TPRX1: variants seen among roughly 807,000 people sequenced by gnomAD.
TPRX1 encodes the protein tetra-peptide repeat homeobox protein 1.
A neutral mutation model predicts 8.1 loss-of-function variants in TPRX1; 2 were observed. That is an observed-to-expected ratio of 0.25 (90% CI 0.10 to 0.78). The LOEUF is 0.78. TPRX1 is among the 30% of genes least tolerant of loss of function. The probability of loss-of-function intolerance (pLI) is 0.70; values close to 1 mark genes in which losing one functional copy is unlikely to be tolerated. For synonymous variants in TPRX1, 257 were observed against 254.1 expected (o/e 1.01, Z -0.11); for missense variants, 517 against 586.9 (o/e 0.88, Z 1.23).
chr19:47,815,280 G>A (rs1218692781), intron 2 of TPRX1, among the ~76,000 whole-genome samples: 2 of 145,952 alleles, frequency 1.4e-5, no homozygotes, highest in South Asian at 2.1e-4. Context: ...TCAGCCTCCT[G>A]AGTAGTTGGG....
At chr19:47,817,424 G>A (rs1289505905) in intron 2 of TPRX1, among the ~76,000 whole-genome samples, 4 of 152,130 alleles carry the variant, frequency 2.6e-5, no homozygotes, top group Admixed American at 6.6e-5. Flanking sequence ...CACCTGCCCC[G>A]GAGCCTGTGC....
intron 2 of TPRX1, among the ~76,000 whole-genome samples, chr19:47,815,127 T>TATATATATATATATGCAA (rs1863456496): frequency 1.9e-5 from 2 of 105,078 alleles, no homozygotes; most frequent in African/African-American, 3.6e-5. Flanking sequence ...TATATATATA[T>TATATATATATATATGCAA]ATATATATAT....
intron 2 of TPRX1, among the ~76,000 whole-genome samples, chr19:47,811,673 A>C (rs932227226): frequency 2.0e-5 from 3 of 149,298 alleles, no homozygotes; most frequent in Admixed American, 1.3e-4. Context: ...TAATTTTTGT[A>C]TTTATAGTAG....
intron 2 of TPRX1, among the ~76,000 whole-genome samples, chr19:47,817,468 A>T (rs1166962148): frequency 6.6e-6 from 1 of 152,122 alleles, no homozygotes; most frequent in Non-Finnish European, 1.5e-5. Flanking sequence ...GCCTCTTAGG[A>T]TGCTCGCCAC....
rs566271576 is a variant in TPRX1, at chr19:47,807,682, A to G, written c.152-4009T>C. ...ACCATGGCACCCAGCCCTGAATTGTATACTTTAAGTGGGTACTTTTATATT... is the reference window on the plus strand; with the variant it reads ...ACCATGGCACCCAGCCCTGAATTGTGTACTTTAAGTGGGTACTTTTATATT... On this transcript the variant is annotated intron_variant, in intron 2 of 3. Transcript: ENST00000535759. 1.8e-3 allele frequency among the ~76,000 whole-genome samples: 277 copies of G among 152,296 alleles called. 1 individual carries two copies. Among genetic ancestry groups the G allele is most frequent in the South Asian group, 9.1e-3 (44 of 4,826 alleles).
chr19:47,809,573 T>A lies in TPRX1; in HGVS notation c.152-5900A>T, dbSNP rs542334067. Among the ~76,000 whole-genome samples the A allele has an allele frequency of 7.9e-5, 12 of 152,218 alleles. No homozygotes were observed. The South Asian group carries it at 1.7e-3, about 21-fold the overall frequency. On this transcript the variant is annotated intron_variant, in intron 2 of 3. Coordinates refer to ENST00000535759, the Ensembl canonical transcript of TPRX1. ...GCTGAGATTACGGGTGTGAGCACAA[T>A]ATATTTGAATGAACAATAAATAACA... is the stretch of plus-strand genomic sequence containing the variant.
At chr19:47,806,973 C>G (rs116533102) in intron 2 of TPRX1, among the ~76,000 whole-genome samples, 1 of 151,340 alleles carries the variant, frequency 6.6e-6, no homozygotes, top group Non-Finnish European at 1.5e-5. Context: ...GGTGTGATCT[C>G]GGCTTGCTGC....
intron 2 of TPRX1, among the ~76,000 whole-genome samples, chr19:47,817,783 C>T (rs1365419323): frequency 6.6e-6 from 1 of 152,190 alleles, no homozygotes; most frequent in Non-Finnish European, 1.5e-5. Flanking sequence ...CCCAAGGCCA[C>T]GCAGTGAGAA....
intron 2 of TPRX1, among the ~76,000 whole-genome samples, chr19:47,811,496 CTTT>C (rs34677329): frequency 4.2e-5 from 5 of 118,488 alleles, no homozygotes; most frequent in African/African-American, 1.3e-4. Context: ...TTCATGGCAA[CTTT>C]TTTTTTTTTT....
At chr19:47,808,864 A>G (rs1033702995) in intron 2 of TPRX1, among the ~76,000 whole-genome samples, 9 of 152,182 alleles carry the variant, frequency 5.9e-5, no homozygotes, top group Non-Finnish European at 1.2e-4. Context: ...CAACTGAGTT[A>G]ATTGGATTAA....
intron 2 of TPRX1, among the ~76,000 whole-genome samples, chr19:47,814,937 T>C (rs945749341): frequency 2.0e-5 from 3 of 150,766 alleles, no homozygotes; most frequent in Non-Finnish European, 4.4e-5. Context: ...GTAGCTGGGA[T>C]TACAGGCATG....
chr19:47,811,568 G>A (rs916060988), intron 2 of TPRX1, among the ~76,000 whole-genome samples: 5 of 145,964 alleles, frequency 3.4e-5, no homozygotes, highest in African/African-American at 5.1e-5. Flanking sequence ...GCGCGATCTC[G>A]GCTCACTGCA....
rs931609998 is a variant in TPRX1 at position 47,802,629 on chromosome 19, G to A, written c.673C>T (p.Pro225Ser). The A allele has an allele frequency of 1.9e-6, 3 of 1,551,928 alleles. No homozygotes were observed. The African/African-American group carries it at 4.1e-5, about 21-fold the overall frequency. ...GGGATTGGGGCTGGGATCGGGCTTG[G>A]GATCTGAGCTGGGCCTGGAATTGGG... Residue 225 changes from proline to serine, a missense_variant, in exon 4 of 4, where the codon CCA (proline) becomes TCA (serine). Pro to Ser is a moderately conservative substitution (Grantham distance 74). Coordinates refer to ENST00000535759, the Ensembl canonical transcript of TPRX1.
chr19:47,802,638 C>CTGGGCCTGGAAT (rs750963424), exon 4 of TPRX1: 16 of 1,549,092 alleles, frequency 1.0e-5, no homozygotes, highest in African/African-American at 8.3e-5. Flanking sequence ...GGGATCTGAG[C>CTGGGCCTGGAAT]TGGGCCTGGA....
intron 2 of TPRX1, among the ~76,000 whole-genome samples, 47 bp downstream of exon 1, chr19:47,804,468 C>T (rs1967715526): frequency 6.6e-6 from 1 of 152,230 alleles, no homozygotes; most frequent in Non-Finnish European, 1.5e-5. Flanking sequence ...TCTGCAGCCT[C>T]AGCCACAGGA....
intron 2 of TPRX1, among the ~76,000 whole-genome samples, chr19:47,814,633 C>T (rs111238223): frequency 0.015 from 2,302 of 152,082 alleles, 55 homozygotes; most frequent in African/African-American, 0.052. Context: ...GTCTGATCAA[C>T]GACCTCAGAG....
At chr19:47,809,527 T>C (rs1427989059) in intron 2 of TPRX1, among the ~76,000 whole-genome samples, 4 of 152,024 alleles carry the variant, frequency 2.6e-5, no homozygotes, top group African/African-American at 9.7e-5. Context: ...AAGTGATCCA[T>C]CCATGTTGGC....
intron 2 of TPRX1, among the ~76,000 whole-genome samples, chr19:47,815,131 T>TATATATATGCAAATATATATATATGCAA (rs1555800039): frequency 1.2e-4 from 13 of 111,478 alleles, no homozygotes; most frequent in African/African-American, 4.4e-4. Flanking sequence ...TATATATATA[T>TATATATATGCAAATATATATATATGCAA]ATATATATAT....
chr19:47,802,786 C>A, exon 4 of TPRX1: 1 of 1,603,948 alleles, frequency 6.2e-7, no homozygotes, highest in Non-Finnish European at 8.5e-7. Flanking sequence ...CACCCCAGGC[C>A]TGGTGGAGGC....
Sources: allele counts gnomAD v4.1 joint callset (sites outside exome capture counted in the v4.1 genomes callset), GRCh38; gene constraint gnomAD v4.1.1; transcripts MANE v1.5; gene names NCBI Gene and HGNC (gene_info 2026-07-23, HGNC 2026-07-21).